COL19A1: variants seen among roughly 807,000 people sequenced by gnomAD.
The protein encoded by COL19A1 is collagen type XIX alpha 1 chain, also known as collagen alpha-1(XIX) chain.
A neutral mutation model predicts 190.2 loss-of-function variants in COL19A1; 159 were observed. The ratio of observed to expected loss-of-function variants is 0.84; its 90% CI spans 0.73 to 0.95. COL19A1 has a LOEUF of 0.95. Ranked by LOEUF, COL19A1 falls within the 40% of genes least tolerant of loss-of-function variation. The probability of loss-of-function intolerance (pLI) is 0.00; values close to 1 mark genes in which losing one functional copy is unlikely to be tolerated. For missense variants in COL19A1, 1,418 were observed against 1,431.9 expected (o/e 0.99, Z 0.16); for synonymous variants, 509 against 458.9 (o/e 1.11, Z -1.39).
intron 27 of COL19A1, among the ~76,000 whole-genome samples, chr6:70,148,199 C>T (rs547360329): frequency 2.6e-5 from 4 of 151,932 alleles, no homozygotes; most frequent in Admixed American, 2.0e-4. Context: ...CTTCAGAGAA[C>T]GCGGGGTGGG....
intron 14 of COL19A1, among the ~76,000 whole-genome samples, chr6:70,051,489 T>C (rs888498609): frequency 3.9e-5 from 6 of 152,112 alleles, no homozygotes; most frequent in African/African-American, 1.2e-4. Flanking sequence ...GTGCCACATA[T>C]TCAGTGGGTT....
chr6:70,067,253 T>TA (rs1312071903), intron 14 of COL19A1, among the ~76,000 whole-genome samples: 1 of 152,136 alleles, frequency 6.6e-6, no homozygotes, highest in Non-Finnish European at 1.5e-5. Context: ...AGGAAGCTCT[T>TA]ACAGATGAGC....
chr6:70,147,174 A>G (rs367543963), intron 27 of COL19A1, among the ~76,000 whole-genome samples: 27 of 152,276 alleles, frequency 1.8e-4, no homozygotes, highest in African/African-American at 6.3e-4. Flanking sequence ...AAGCACAAAT[A>G]CATGTTTGTA....
chr6:70,035,976 C>T (rs1267429458), intron 14 of COL19A1, 37 bp downstream of exon 14: 1 of 1,593,270 alleles, frequency 6.3e-7, no homozygotes, highest in Admixed American at 1.7e-5. Context: ...AAATTGAAAT[C>T]CATTATTCTG....
intron 16 of COL19A1, among the ~76,000 whole-genome samples, chr6:70,116,760 A>G (rs1341993467): frequency 7.9e-5 from 12 of 152,202 alleles, no homozygotes; most frequent in Non-Finnish European, 4.4e-5. Flanking sequence ...CTTTCCAACA[A>G]GCATTCTATC....
At position 70,172,628 on chromosome 6, in the gene COL19A1, C is replaced by T. The variant is rs146463221; in HGVS notation, c.2622+611C>T. On this transcript the variant is annotated intron_variant, in intron 41 of 50. Transcript: ENST00000620364. Reference sequence around the variant, plus strand: ...GAGAGTAAGCACCTAAAAACATGTCCAGTAATTTGTCTAAAATTGTCTAGC... The same window carrying T: ...GAGAGTAAGCACCTAAAAACATGTCTAGTAATTTGTCTAAAATTGTCTAGC... Among the ~76,000 whole-genome samples the T allele has an allele frequency of 2.4e-3, 364 of 152,210 alleles. 2 individuals are homozygous for T. The highest frequency in any genetic ancestry group is 8.4e-3 in the African/African-American group (350 of 41,532).
At chr6:70,131,072 A>G (rs1340944285) in intron 18 of COL19A1, 5 of 462,396 alleles carry the variant, frequency 1.1e-5, no homozygotes, top group Non-Finnish European at 1.8e-5. Flanking sequence ...TCATAGCTGT[A>G]AAGATGACAG....
At chr6:70,004,574 T>C (rs1777494548) in intron 11 of COL19A1, among the ~76,000 whole-genome samples, 1 of 152,148 alleles carries the variant, frequency 6.6e-6, no homozygotes, top group Admixed American at 6.5e-5. Context: ...TTCATTCCTT[T>C]TCATTCTTTT....
At chr6:69,915,934 C>CTTTTT (rs10707834) in intron 4 of COL19A1, among the ~76,000 whole-genome samples, 3 of 110,922 alleles carry the variant, frequency 2.7e-5, no homozygotes, top group African/African-American at 3.8e-5. Context: ...CTCATCTCAT[C>CTTTTT]TTTTTTTTTT....
At chr6:70,191,437 C>G (rs955370533) in intron 48 of COL19A1, among the ~76,000 whole-genome samples, 1 of 151,942 alleles carries the variant, frequency 6.6e-6, no homozygotes, top group African/African-American at 2.4e-5. Flanking sequence ...GTTGGCTGAC[C>G]CTATAACTTT....
intron 9 of COL19A1, among the ~76,000 whole-genome samples, chr6:69,952,838 A>G (rs1473241928): frequency 2.0e-5 from 3 of 152,054 alleles, no homozygotes; most frequent in African/African-American, 7.2e-5. Context: ...ATAAAGGCAG[A>G]TGCTGTTACA....
chr6:70,081,863 CTGT>C (rs34889490), intron 15 of COL19A1, among the ~76,000 whole-genome samples: 22,608 of 151,882 alleles, frequency 0.15, 2,154 homozygotes, highest in South Asian at 0.28. Flanking sequence ...GCTTATTTGT[CTGT>C]TATCATCAGT....
chr6:70,082,980 C>T (rs74930489), intron 15 of COL19A1, among the ~76,000 whole-genome samples: 23 of 152,140 alleles, frequency 1.5e-4, no homozygotes, highest in African/African-American at 2.2e-4. Context: ...AGAGTTCATG[C>T]GGTAATGCTC....
At chr6:69,877,814 T>C (rs1768229163) in intron 1 of COL19A1, among the ~76,000 whole-genome samples, 1 of 148,828 alleles carries the variant, frequency 6.7e-6, no homozygotes, top group Non-Finnish European at 1.5e-5. Flanking sequence ...AGGTCAGGAG[T>C]TCAAGACCAT....
chr6:70,191,602 T>C (rs936836738), intron 48 of COL19A1, among the ~76,000 whole-genome samples: 2 of 152,262 alleles, frequency 1.3e-5, no homozygotes, highest in Admixed American at 1.3e-4. Flanking sequence ...TTTAGTGAGC[T>C]CTGAATCCAT....
At chr6:69,932,572 A>G (rs188132060) in intron 6 of COL19A1, among the ~76,000 whole-genome samples, 12 of 152,094 alleles carry the variant, frequency 7.9e-5, no homozygotes, top group Non-Finnish European at 1.5e-4. Flanking sequence ...GATTTCCTTT[A>G]TCTATAGATC....
At chr6:70,086,114 T>C (rs1398059381) in intron 15 of COL19A1, among the ~76,000 whole-genome samples, 1 of 152,150 alleles carries the variant, frequency 6.6e-6, no homozygotes, top group Non-Finnish European at 1.5e-5. Flanking sequence ...CAAAAACTAA[T>C]TGAGGCTTTG....
At chr6:70,016,366 T>TAAAAAAA (rs752043571) in intron 11 of COL19A1, among the ~76,000 whole-genome samples, 13 of 37,628 alleles carry the variant, frequency 3.5e-4, no homozygotes, top group African/African-American at 1.8e-3. Context: ...TAGAGTATAA[T>TAAAAAAA]AAAAAAAAAA....
At chr6:70,204,987 A>G (rs530664448) in intron 49 of COL19A1, among the ~76,000 whole-genome samples, 2 of 152,318 alleles carry the variant, frequency 1.3e-5, no homozygotes, top group Non-Finnish European at 2.9e-5. Flanking sequence ...AAAGTCACCT[A>G]TATCAAAGAA....
Sources: allele counts gnomAD v4.1 joint callset (sites outside exome capture counted in the v4.1 genomes callset), GRCh38; gene constraint gnomAD v4.1.1; transcripts MANE v1.5; gene names NCBI Gene and HGNC (gene_info 2026-07-23, HGNC 2026-07-21).